WWOX: variants seen among roughly 807,000 people sequenced by gnomAD.
The protein encoded by WWOX is WW domain-containing oxidoreductase.
WWOX carries 69 observed loss-of-function variants against 46.2 expected under a neutral mutation model. That is an observed-to-expected ratio of 1.49 (90% CI 1.23 to 1.82). WWOX has a LOEUF of 1.82. Ranked by LOEUF, WWOX falls within the 40% of genes most tolerant of loss-of-function variation. WWOX has a pLI of 0.00. For synonymous variants in WWOX, 359 were observed against 202.6 expected (o/e 1.77, Z -6.56); for missense variants, 919 against 542.6 (o/e 1.69, Z -6.89).
At chr16:78,225,727 G>A (rs7189438) in intron 5 of WWOX, among the ~76,000 whole-genome samples, 3,312 of 152,112 alleles carry the variant, frequency 0.022, 134 homozygotes, top group African/African-American at 0.074. Context: ...AATATACCTG[G>A]GCTAATTAAG....
chr16:78,952,763 C>G (rs753160775), intron 8 of WWOX, among the ~76,000 whole-genome samples: 7 of 152,112 alleles, frequency 4.6e-5, no homozygotes, highest in Admixed American at 2.6e-4. Context: ...TTTCGGTTCC[C>G]CAACGTATCC....
chr16:78,128,265 A>G (rs954207489), intron 4 of WWOX, among the ~76,000 whole-genome samples: 2 of 152,216 alleles, frequency 1.3e-5, no homozygotes, highest in Non-Finnish European at 2.9e-5. Flanking sequence ...AGTGAACCGG[A>G]TGTCCGGTAA....
intron 8 of WWOX, among the ~76,000 whole-genome samples, chr16:78,469,928 G>T (rs1007597111): frequency 3.3e-5 from 5 of 152,244 alleles, no homozygotes; most frequent in African/African-American, 1.2e-4. Context: ...AATTCTCAGG[G>T]ATTCTAAGAC....
chr16:79,100,216 T>C (rs191078992), intron 8 of WWOX, among the ~76,000 whole-genome samples: 2 of 152,218 alleles, frequency 1.3e-5, no homozygotes, highest in East Asian at 3.9e-4. Flanking sequence ...AAATGGACCA[T>C]CCCAGGGTAG....
intron 8 of WWOX, among the ~76,000 whole-genome samples, chr16:78,593,856 G>A (rs1461764907): frequency 6.6e-6 from 1 of 152,138 alleles, no homozygotes; most frequent in Non-Finnish European, 1.5e-5. Flanking sequence ...TGGGTCAGCT[G>A]GGCCATACAT....
chr16:78,494,076 C>A (rs1166616181), intron 8 of WWOX, among the ~76,000 whole-genome samples: 2 of 152,110 alleles, frequency 1.3e-5, no homozygotes, highest in Non-Finnish European at 2.9e-5. Context: ...CCTCAGGAAA[C>A]TTACAGTTAT....
At chr16:78,321,424 A>G (rs2080479666) in intron 5 of WWOX, among the ~76,000 whole-genome samples, 1 of 142,186 alleles carries the variant, frequency 7.0e-6, no homozygotes, top group Admixed American at 7.3e-5. Flanking sequence ...ATGTGTGTAT[A>G]TATATATATA....
At chr16:78,722,656 A>G (rs2048721357) in intron 8 of WWOX, among the ~76,000 whole-genome samples, 1 of 148,700 alleles carries the variant, frequency 6.7e-6, no homozygotes, top group Non-Finnish European at 1.5e-5. Flanking sequence ...TAGAAGAGGG[A>G]TGTAACTGGA....
chr16:78,927,204 C>G (rs893853689), intron 8 of WWOX, among the ~76,000 whole-genome samples: 1 of 152,190 alleles, frequency 6.6e-6, no homozygotes, highest in African/African-American at 2.4e-5. Context: ...GTATGTGGTA[C>G]TCGTGAGCAG....
At chr16:78,834,221 C>T (rs2051912281) in intron 8 of WWOX, among the ~76,000 whole-genome samples, 1 of 152,126 alleles carries the variant, frequency 6.6e-6, no homozygotes, top group Non-Finnish European at 1.5e-5. Flanking sequence ...CCGAACAGGG[C>T]CCGTGTGTTC....
rs183693910 is a variant in WWOX at position 78,460,487 on chromosome 16, A to G, written c.1056+27735A>G. Among the ~76,000 whole-genome samples the G allele has an allele frequency of 3.0e-4, 45 of 152,246 alleles. 1 individual carries two copies. In the East Asian group the frequency reaches 5.0e-3, roughly 17 times the overall value. On this transcript the variant is annotated intron_variant, in intron 8 of 8. Transcript: ENST00000566780. ...TCCTTTTCTCTCCTTTCCTCCCTGA[A>G]TACTCAAGCTTCCAGTGCACAGATT... is the stretch of plus-strand genomic sequence containing the variant.
At chr16:78,738,627 T>TA (rs1251465985) in intron 8 of WWOX, among the ~76,000 whole-genome samples, 2 of 152,342 alleles carry the variant, frequency 1.3e-5, no homozygotes, top group East Asian at 3.9e-4. Context: ...ATATTTTTGT[T>TA]ACGCTTGTGG....
At chr16:78,742,958 G>C (rs1372277261) in intron 8 of WWOX, among the ~76,000 whole-genome samples, 2 of 152,094 alleles carry the variant, frequency 1.3e-5, no homozygotes, top group Non-Finnish European at 2.9e-5. Context: ...GGAAGAGTAA[G>C]AGGGGCCTCG....
chr16:78,654,800 T>A (rs2047044639), intron 8 of WWOX, among the ~76,000 whole-genome samples: 1 of 152,132 alleles, frequency 6.6e-6, no homozygotes. Flanking sequence ...CATACTGTTG[T>A]TTTGAATTTT....
chr16:78,753,628 C>T (rs552518631), intron 8 of WWOX, among the ~76,000 whole-genome samples: 4 of 151,220 alleles, frequency 2.6e-5, no homozygotes, highest in Non-Finnish European at 5.9e-5. Context: ...CATGAAATCC[C>T]ATCTCTACAA....
intron 8 of WWOX, among the ~76,000 whole-genome samples, chr16:78,686,785 G>A (rs1396749067): frequency 6.6e-6 from 1 of 152,196 alleles, no homozygotes; most frequent in East Asian, 1.9e-4. Context: ...ATCTAACAGA[G>A]ACAGAGTTGA....
At chr16:79,181,776 C>G (rs902464461) in intron 8 of WWOX, among the ~76,000 whole-genome samples, 3 of 152,120 alleles carry the variant, frequency 2.0e-5, no homozygotes, top group Non-Finnish European at 2.9e-5. Flanking sequence ...ATGGAGAGGT[C>G]TTTTAAATCT....
intron 8 of WWOX, among the ~76,000 whole-genome samples, chr16:78,774,014 T>C (rs766420223): frequency 2.6e-5 from 4 of 152,242 alleles, no homozygotes; most frequent in South Asian, 2.1e-4. Context: ...TGCATGTGCA[T>C]ATGTTGGTGT....
chr16:78,437,064 T>G (rs190492484), intron 8 of WWOX, among the ~76,000 whole-genome samples: 24 of 152,310 alleles, frequency 1.6e-4, no homozygotes, highest in Admixed American at 1.5e-3. Context: ...AGAGGGTGCT[T>G]CCTTCTGACA....
Sources: allele counts gnomAD v4.1 joint callset (sites outside exome capture counted in the v4.1 genomes callset), GRCh38; gene constraint gnomAD v4.1.1; transcripts MANE v1.5; gene names NCBI Gene and HGNC (gene_info 2026-07-23, HGNC 2026-07-21).